CD9: variants seen among roughly 807,000 people sequenced by gnomAD.
CD9 encodes the protein CD9 antigen.
A neutral mutation model predicts 31.4 loss-of-function variants in CD9; 10 were observed. The ratio of observed to expected loss-of-function variants is 0.32; its 90% CI spans 0.20 to 0.54. CD9 has a LOEUF of 0.54. Ranked by LOEUF, CD9 falls within the 20% of genes least tolerant of loss-of-function variation. The pLI is 0.94. For missense variants in CD9, 259 were observed against 300.1 expected, an observed-to-expected ratio of 0.86 and a Z score of 1.01; for synonymous variants, 113 against 114.1, an observed-to-expected ratio of 0.99 and a Z score of 0.06.
Position 6,232,500 on chromosome 12 carries a change from T to C in CD9, c.176-132T>C, listed in dbSNP as rs770166724. Reference sequence around the variant, plus strand: ...GGCTGTATTTTAAGGAAAGGGAACTTCTTCCCTGAGATGAGGGGAATAAGG... The same window carrying C: ...GGCTGTATTTTAAGGAAAGGGAACTCCTTCCCTGAGATGAGGGGAATAAGG... On this transcript the variant is annotated intron_variant, in intron 2 of 7. Transcript: ENST00000009180. This position sits in a 1 kb window ranked among gnomAD's most constrained non-coding sequence, Gnocchi z 4.8. The C allele has an allele frequency of 5.1e-5, 35 of 691,334 alleles. No homozygotes were observed. The highest frequency in any genetic ancestry group is 8.1e-5 in the Non-Finnish European group (31 of 384,192). The allele number at this position is 691,334 out of a possible 1,614,324, so 42.8% of individuals were successfully genotyped here.
At chr12:6,201,456 G>A (rs1415471654) in intron 1 of CD9, among the ~76,000 whole-genome samples, 1 of 152,198 alleles carries the variant, frequency 6.6e-6, no homozygotes, top group Non-Finnish European at 1.5e-5. Flanking sequence ...CAGCCCAGGC[G>A]GCCCACCCAA....
At chr12:6,221,606 T>A (rs1231300835) in intron 1 of CD9, among the ~76,000 whole-genome samples, 1 of 152,132 alleles carries the variant, frequency 6.6e-6, no homozygotes, top group East Asian at 1.9e-4. Flanking sequence ...AATAATTGAC[T>A]TGGCACCCTC....
chr12:6,212,938 G>T (rs1472022687), intron 1 of CD9, among the ~76,000 whole-genome samples: 2 of 152,132 alleles, frequency 1.3e-5, no homozygotes, highest in Non-Finnish European at 2.9e-5. Context: ...TGCTGGGGTT[G>T]GGGGGAGTGG....
At chr12:6,235,196 C>G (rs150312998) in intron 4 of CD9, 33 bp from the exon 5 acceptor site, 3 of 1,436,650 alleles carry the variant, frequency 2.1e-6, no homozygotes, top group Non-Finnish European at 2.9e-6. Flanking sequence ...GTGAAAATGC[C>G]GTCTCTGCCC....
At chr12:6,229,223 G>A (rs1057000613) in intron 2 of CD9, among the ~76,000 whole-genome samples, 1 of 152,190 alleles carries the variant, frequency 6.6e-6, no homozygotes, top group Non-Finnish European at 1.5e-5. Context: ...ATCTAGGGGG[G>A]CTCCAGCCAG....
chr12:6,237,943 G>A lies in CD9; in HGVS notation c.*115G>A. 2.7e-6 allele frequency: 2 copies of A among 732,642 alleles called. No homozygotes were observed. Among genetic ancestry groups the A allele is most frequent in the Non-Finnish European group, 4.7e-6 (2 of 422,212 alleles). 45.4% of individuals were successfully genotyped at this position (732,642 alleles called of 1,614,324 possible). ...GTTTGTTTTTTTGCCACTAATTTTA[G>A]TATTCATTCTGCATTGCTAGATAAA... On this transcript the variant is annotated 3_prime_UTR_variant, in exon 8 of 8. Transcript: ENST00000009180.
intron 1 of CD9, among the ~76,000 whole-genome samples, chr12:6,224,731 G>A (rs933565606): frequency 1.3e-5 from 2 of 152,186 alleles, no homozygotes; most frequent in East Asian, 3.9e-4. Flanking sequence ...GCACTGGGGG[G>A]ACTTGGCAGG....
chr12:6,233,230 T>C (rs1946474033), intron 3 of CD9, 182 bp from the exon 4 acceptor site: 2 of 641,070 alleles, frequency 3.1e-6, no homozygotes, highest in African/African-American at 1.8e-5. Context: ...GTGGCCTCTG[T>C]CCTGGGCTTG....
In CD9 at chr12:6,228,121, G is replaced by A. The variant is rs11568249; in HGVS notation, c.175+2587G>A. Among the ~76,000 whole-genome samples the A allele has an allele frequency of 5.7e-3, 869 of 152,336 alleles. 7 individuals are homozygous for A. Among genetic ancestry groups the A allele is most frequent in the African/African-American group, 0.019 (797 of 41,572 alleles). On this transcript the variant is annotated intron_variant, in intron 2 of 7. Coordinates refer to ENST00000009180, the MANE Select transcript of CD9 (RefSeq NM_001769.4). Reference sequence around the variant, plus strand: ...GCCACTGTCCACTTAGCTCTGCCAGGGAAATACAGATCCTTTGCAGCGACA... The same window carrying A: ...GCCACTGTCCACTTAGCTCTGCCAGAGAAATACAGATCCTTTGCAGCGACA...
At chr12:6,200,850 T>G (rs1344473529) in intron 1 of CD9, 1 of 353,436 alleles carries the variant, frequency 2.8e-6, no homozygotes, top group Non-Finnish European at 5.1e-6. Context: ...CTGAGCACTT[T>G]AGCTCGCCTA....
At chr12:6,200,368 C>G, upstream of CD9, 1 of 578,778 alleles carries the variant, frequency 1.7e-6, no homozygotes, top group Non-Finnish European at 3.2e-6. Flanking sequence ...AGGAGTGGCA[C>G]TTTTTAAAAG....
intron 1 of CD9, among the ~76,000 whole-genome samples, chr12:6,211,038 A>G (rs568558214): frequency 6.6e-6 from 1 of 152,036 alleles, no homozygotes; most frequent in East Asian, 1.9e-4. Flanking sequence ...GGGTTTCACC[A>G]TGTTGGCCAG....
intron 1 of CD9, among the ~76,000 whole-genome samples, chr12:6,207,491 C>T (rs1946145939): frequency 6.6e-6 from 1 of 152,192 alleles, no homozygotes; most frequent in Admixed American, 6.5e-5. Context: ...CTAGTACACA[C>T]GAAAAATGCA....
chr12:6,212,854 C>A (rs889013816), intron 1 of CD9, among the ~76,000 whole-genome samples: 5 of 152,098 alleles, frequency 3.3e-5, no homozygotes, highest in Non-Finnish European at 5.9e-5. Context: ...TGTGTGGACC[C>A]CTCTCCCCAG....
chr12:6,217,834 T>C (rs1230870588), intron 1 of CD9, among the ~76,000 whole-genome samples: 1 of 152,188 alleles, frequency 6.6e-6, no homozygotes. Flanking sequence ...GGCCAAGGCA[T>C]CCTCAGCAAG....
In CD9 at chr12:6,238,114, G is replaced by T. The variant is rs919861592; in HGVS notation, c.*286G>T. On this transcript the variant is annotated 3_prime_UTR_variant, in exon 8 of 8. Transcript: ENST00000009180. ...ATTAAGCAGAAATCCTGCAATGAAA[G>T]GTACTATATTTGCTAGACTCTAGAC... The T allele has an allele frequency of 3.5e-5, 11 of 310,998 alleles. No individual in the cohort carries two copies. Among genetic ancestry groups the T allele is most frequent in the Non-Finnish European group, 6.8e-5 (11 of 162,588 alleles). 19.3% of individuals were successfully genotyped at this position (310,998 alleles called of 1,614,324 possible).
intron 1 of CD9, among the ~76,000 whole-genome samples, chr12:6,224,648 C>T (rs1035623660): frequency 6.6e-6 from 1 of 152,198 alleles, no homozygotes; most frequent in African/African-American, 2.4e-5. Flanking sequence ...GTCCAGCCGG[C>T]TACCACACTG....
intron 2 of CD9, among the ~76,000 whole-genome samples, chr12:6,231,954 C>T (rs1430980355): frequency 2.0e-5 from 3 of 152,190 alleles, no homozygotes; most frequent in Non-Finnish European, 4.4e-5. Flanking sequence ...CAATTAGCAT[C>T]AGTGTTAGGG....
intron 1 of CD9, 126 bp downstream of exon 1, chr12:6,200,691 A>G (rs540310174): frequency 5.7e-4 from 342 of 596,422 alleles, no homozygotes; most frequent in Non-Finnish European, 7.2e-4. Flanking sequence ...GGGCGGGAAG[A>G]GAGAGCGCCC....
Sources: gnomAD v4.1 joint callset for allele counts (sites outside exome capture counted in the v4.1 genomes callset) on GRCh38, gnomAD v4.1.1 for gene constraint, Gnocchi (gnomAD v3.1) non-coding constraint, MANE v1.5 for transcripts, NCBI Gene and HGNC (gene_info 2026-07-23, HGNC 2026-07-21) for gene names.